The following AFAP1 variants were observed in gnomAD, a reference collection of about 807,000 sequenced individuals.
AFAP1 encodes actin filament associated protein 1.
Under a neutral mutation model 93.9 loss-of-function variants are expected in AFAP1, and 75 were observed. That is an observed-to-expected ratio of 0.80 (90% CI 0.66 to 0.97). The LOEUF is 0.97. Ranked by LOEUF, AFAP1 falls within the 50% of genes least tolerant of loss-of-function variation. AFAP1 has a pLI of 0.00. For missense variants in AFAP1, 1,201 were observed against 1,050.8 expected (o/e 1.14, Z -1.98); for synonymous variants, 517 against 430.7 (o/e 1.20, Z -2.48).
chr4:7,811,722 C>T (rs1367928721), intron 8 of AFAP1, among the ~76,000 whole-genome samples: 5 of 152,172 alleles, frequency 3.3e-5, no homozygotes, highest in African/African-American at 1.2e-4. Flanking sequence ...TGGAGGAAGA[C>T]AGCCCTCGCT....
At chr4:7,929,548 C>T (rs900956837) in intron 1 of AFAP1, among the ~76,000 whole-genome samples, 9 of 152,226 alleles carry the variant, frequency 5.9e-5, no homozygotes, top group Non-Finnish European at 1.2e-4. Flanking sequence ...CTCAAATACA[C>T]CTCCTCTGTG....
At chr4:7,801,563 C>A (rs1304087975) in intron 9 of AFAP1, among the ~76,000 whole-genome samples, 1 of 151,954 alleles carries the variant, frequency 6.6e-6, no homozygotes, top group African/African-American at 2.4e-5. Context: ...CCAACCACAC[C>A]ATAATGCTAG....
intron 1 of AFAP1, among the ~76,000 whole-genome samples, chr4:7,910,139 CAG>C (rs1258127985): frequency 1.3e-5 from 2 of 152,170 alleles, no homozygotes; most frequent in African/African-American, 4.8e-5. Context: ...AATTCAGAAT[CAG>C]GGAAAAATGC....
chr4:7,829,969 G>A (rs1417699216), intron 6 of AFAP1, among the ~76,000 whole-genome samples: 1 of 152,168 alleles, frequency 6.6e-6, no homozygotes, highest in East Asian at 1.9e-4. Flanking sequence ...GCAACCCAAT[G>A]TCCATAAATG....
At chr4:7,930,431 G>C (rs1007793322) in intron 1 of AFAP1, among the ~76,000 whole-genome samples, 3 of 151,248 alleles carry the variant, frequency 2.0e-5, no homozygotes, top group African/African-American at 7.3e-5. Flanking sequence ...AGCCCATCTC[G>C]TCTCCCCTCC....
In AFAP1 at chr4:7,819,101, G is replaced by A. The variant is rs764045173; in HGVS notation, c.797C>T (p.Pro266Leu). 48 of 1,613,010 alleles carry A rather than the reference G, an allele frequency of 3.0e-5. No homozygotes were observed. The highest frequency in any genetic ancestry group is 2.0e-4 in the African/African-American group (15 of 74,872). ...CTTCTCCAGTTCTGCCTTGTGCACCGGGGAGCTTGGTGGAGGAGGACACTC... is the reference window on the plus strand; with the variant it reads ...CTTCTCCAGTTCTGCCTTGTGCACCAGGGAGCTTGGTGGAGGAGGACACTC... The part of the protein sequence containing the change: ...DSECPPPPSS[P>L]VHKAELEKKL... The change falls in exon 7 of 18, where the codon CCG (proline) becomes CTG (leucine). Residue 266 changes from proline (P) to leucine (L), a missense_variant. Physicochemically the swap from Pro to Leu is moderately conservative, Grantham distance 98 (BLOSUM62 -3). Coordinates refer to ENST00000420658, the MANE Select transcript of AFAP1 (RefSeq NM_001134647.2).
intron 8 of AFAP1, among the ~76,000 whole-genome samples, chr4:7,812,292 G>A (rs963459585): frequency 6.6e-6 from 1 of 151,986 alleles, no homozygotes; most frequent in African/African-American, 2.4e-5. Context: ...CACAGATAAT[G>A]TGGCCCCCCC....
intron 4 of AFAP1, among the ~76,000 whole-genome samples, chr4:7,846,318 A>G (rs1477058857): frequency 2.0e-5 from 3 of 152,218 alleles, no homozygotes; most frequent in Non-Finnish European, 2.9e-5. Context: ...TTTTACAACA[A>G]GAGGGTTTTT....
At chr4:7,867,635 C>T (rs1445612212) in intron 3 of AFAP1, among the ~76,000 whole-genome samples, 2 of 152,222 alleles carry the variant, frequency 1.3e-5, no homozygotes, top group African/African-American at 4.8e-5. Flanking sequence ...AAACCACACA[C>T]CTTCACTGAG....
chr4:7,856,727 C>A (rs28400396), intron 3 of AFAP1, among the ~76,000 whole-genome samples: 56,975 of 151,976 alleles, frequency 0.37, 11,673 homozygotes, highest in East Asian at 0.64. Context: ...CCACCCCAGC[C>A]TCTCCCTCCT....
intron 1 of AFAP1, among the ~76,000 whole-genome samples, chr4:7,938,165 G>T (rs1228490854): frequency 6.6e-6 from 1 of 151,898 alleles, no homozygotes; most frequent in South Asian, 2.1e-4. Context: ...GAGGTGCGGC[G>T]TAGAGTGGGG....
rs771865162 is a variant in AFAP1 at position 7,939,789 on chromosome 4, C to T, written c.-136G>A. 2.8e-6 allele frequency: 1 copy of T among 353,162 alleles called. No homozygotes were observed. The highest frequency in any genetic ancestry group is 2.0e-5 in the South Asian group (1 of 50,148). The allele number at this position is 353,162 out of a possible 1,614,324, so 21.9% of individuals were successfully genotyped here. A position where few individuals can be genotyped will look rare whatever the true frequency, so the allele number is the denominator to read the frequency against. ...GGCGGGGCCGCCGCCGCCGCCTCAG[C>T]CCGTGTACCCCGCTCGAGATCCGGC... is the stretch of plus-strand genomic sequence containing the variant. On this transcript the variant is annotated 5_prime_UTR_variant, in exon 1 of 18. Transcript: ENST00000420658. This position sits in a 1 kb window ranked among gnomAD's most constrained non-coding sequence, Gnocchi z 5.6.
chr4:7,799,125 G>A (rs74350322), intron 10 of AFAP1: 6 of 978,886 alleles, frequency 6.1e-6, no homozygotes, highest in Admixed American at 1.2e-4. Context: ...GAAGCTGAGA[G>A]AGAACAAAAG....
chr4:7,890,076 A>C (rs1718373837), intron 1 of AFAP1, among the ~76,000 whole-genome samples: 3 of 151,926 alleles, frequency 2.0e-5, no homozygotes, highest in African/African-American at 7.2e-5. Context: ...ACTAGAACAC[A>C]AATTGGCCAA....
intron 9 of AFAP1, among the ~76,000 whole-genome samples, chr4:7,803,491 C>A (rs1043131268): frequency 1.3e-5 from 2 of 151,908 alleles, no homozygotes; most frequent in Non-Finnish European, 2.9e-5. Flanking sequence ...GAGGGCAATT[C>A]CTAGCCACAG....
At chr4:7,844,144 G>C (rs991967225) in intron 4 of AFAP1, among the ~76,000 whole-genome samples, 3 of 151,718 alleles carry the variant, frequency 2.0e-5, no homozygotes, top group African/African-American at 7.3e-5. Flanking sequence ...GGACTGAACT[G>C]TGTCCCTCCC....
intron 2 of AFAP1, 121 bp from the exon 3 acceptor site, chr4:7,868,840 CCTTTA>C: frequency 1.2e-6 from 1 of 837,202 alleles, no homozygotes; most frequent in South Asian, 1.6e-5. Context: ...TTTCTCTAAT[CCTTTA>C]CAACAGTCCT....
chr4:7,851,127 C>T (rs1345101354), intron 4 of AFAP1, among the ~76,000 whole-genome samples: 2 of 152,206 alleles, frequency 1.3e-5, no homozygotes, highest in African/African-American at 4.8e-5. Context: ...TGGAGCACGG[C>T]TACACCATCC....
At chr4:7,801,154 A>C (rs1025896374) in intron 9 of AFAP1, among the ~76,000 whole-genome samples, 5 of 152,238 alleles carry the variant, frequency 3.3e-5, no homozygotes, top group Non-Finnish European at 5.9e-5. Context: ...TCCAAGAAAT[A>C]GGAGGCCCTG....
Sources: gnomAD v4.1 joint callset for allele counts (sites outside exome capture counted in the v4.1 genomes callset) on GRCh38, gnomAD v4.1.1 for gene constraint, Gnocchi (gnomAD v3.1) non-coding constraint, MANE v1.5 for transcripts, NCBI Gene and HGNC (gene_info 2026-07-23, HGNC 2026-07-21) for gene names.